Variants in STK32A observed in about 807,000 individuals in gnomAD.
The protein encoded by STK32A is serine/threonine-protein kinase 32A.
Under a neutral mutation model 53.2 loss-of-function variants are expected in STK32A, and 41 were observed. That is an observed-to-expected ratio of 0.77 (90% CI 0.60 to 1.00). STK32A has a LOEUF of 1.00. Among genes scored for constraint, STK32A ranks in the 50% least tolerant of loss-of-function variants. The pLI is 0.00. For synonymous variants in STK32A, 166 were observed against 162.8 expected, an observed-to-expected ratio of 1.02 and a Z score of -0.15; for missense variants, 458 against 485.8, an observed-to-expected ratio of 0.94 and a Z score of 0.54.
intron 2 of STK32A, among the ~76,000 whole-genome samples, chr5:147,245,764 CAG>C (rs1311532749): frequency 6.6e-6 from 1 of 152,180 alleles, no homozygotes; most frequent in Non-Finnish European, 1.5e-5. Flanking sequence ...CCTGAGTTTG[CAG>C]AGAGTTCAAT....
At chr5:147,397,884 A>ATAGAAGGAG in the STK32A span, 1 of 1,552,956 alleles carries the variant, frequency 6.4e-7, no homozygotes, top group Non-Finnish European at 8.7e-7. Flanking sequence ...CAGTAAGGGT[A>ATAGAAGGAG]GAGAAAGAGG....
intron 2 of STK32A, among the ~76,000 whole-genome samples, chr5:147,255,333 G>A (rs1754181567): frequency 1.3e-5 from 2 of 152,116 alleles, no homozygotes; most frequent in South Asian, 4.1e-4. Context: ...TCTGGATAAG[G>A]TGGAGGTTAG....
chr5:147,334,634 T>A (rs1438244937), intron 5 of STK32A, among the ~76,000 whole-genome samples: 2 of 152,272 alleles, frequency 1.3e-5, no homozygotes, highest in East Asian at 3.9e-4. Context: ...TAGTGTGGAA[T>A]AAAGTATAAA....
chr5:147,236,711 A>C (rs1753339208), intron 1 of STK32A, among the ~76,000 whole-genome samples: 1 of 152,188 alleles, frequency 6.6e-6, no homozygotes, highest in Non-Finnish European at 1.5e-5. Context: ...TTATCTTCCC[A>C]CTAAAAATCA....
chr5:147,368,597 T>C (rs1180971617), intron 8 of STK32A, among the ~76,000 whole-genome samples: 1 of 152,178 alleles, frequency 6.6e-6, no homozygotes, highest in Admixed American at 6.5e-5. Flanking sequence ...ATGGTAGGCA[T>C]TCAATAAATA....
intron 6 of STK32A, among the ~76,000 whole-genome samples, chr5:147,346,219 T>C (rs1755678356): frequency 6.6e-6 from 1 of 152,152 alleles, no homozygotes; most frequent in African/African-American, 2.4e-5. Context: ...TGGTGTGACT[T>C]TCCATGTGGA....
At chr5:147,285,358 T>C (rs1752278691) in intron 4 of STK32A, among the ~76,000 whole-genome samples, 1 of 152,048 alleles carries the variant, frequency 6.6e-6, no homozygotes, top group African/African-American at 2.4e-5. Flanking sequence ...TTCTAGAAGA[T>C]AACATTGGAA....
At chr5:147,345,445 T>C (rs1755637218) in intron 6 of STK32A, among the ~76,000 whole-genome samples, 1 of 152,206 alleles carries the variant, frequency 6.6e-6, no homozygotes, top group South Asian at 2.1e-4. Flanking sequence ...CATCTTGTTT[T>C]ATGTTTCTTT....
At chr5:147,394,212 AAG>A in the STK32A span, 1 of 1,334,562 alleles carries the variant, frequency 7.5e-7, no homozygotes, top group Non-Finnish European at 1.1e-6. Flanking sequence ...GGTTAATTTT[AAG>A]AGTGCAAGAT....
At chr5:147,296,779 T>G (rs1043656411) in intron 4 of STK32A, among the ~76,000 whole-genome samples, 7 of 152,172 alleles carry the variant, frequency 4.6e-5, no homozygotes, top group Non-Finnish European at 1.0e-4. Flanking sequence ...TGTCTGACAT[T>G]CCTTGGTGGA....
intron 2 of STK32A, among the ~76,000 whole-genome samples, chr5:147,264,348 T>C (rs1469974112): frequency 1.3e-5 from 2 of 152,154 alleles, no homozygotes; most frequent in African/African-American, 2.4e-5. Flanking sequence ...GGATTATGTC[T>C]GAGGAGAGAC....
In STK32A at chr5:147,380,274, G is replaced by A. The variant is rs187419312; in HGVS notation, c.1033-3167G>A. The stretch of plus-strand genomic sequence containing the variant: ...CTGTAGCTGCCTGTCCCCTGTGACC[G>A]ATACTGGAAACCCTCAGGATTACAA... On this transcript the variant is annotated intron_variant, in intron 11 of 12. Transcript: ENST00000397936. Among the ~76,000 whole-genome samples, 114 of 152,172 alleles carry A rather than the reference G, an allele frequency of 7.5e-4. 1 individual carries two copies. The highest frequency in any genetic ancestry group is 1.8e-3 in the Admixed American group (28 of 15,282).
At chr5:147,348,457 G>A (rs1181811775) in intron 6 of STK32A, among the ~76,000 whole-genome samples, 1 of 152,164 alleles carries the variant, frequency 6.6e-6, no homozygotes, top group African/African-American at 2.4e-5. Flanking sequence ...AGTTGAGGGG[G>A]GACGGGGCGT....
At chr5:147,316,332 C>T (rs941482203) in intron 4 of STK32A, among the ~76,000 whole-genome samples, 11 of 152,126 alleles carry the variant, frequency 7.2e-5, no homozygotes, top group African/African-American at 2.7e-4. Flanking sequence ...TATAACTATA[C>T]ATCTATAGCA....
intron 4 of STK32A, among the ~76,000 whole-genome samples, chr5:147,297,691 C>T (rs190876791): frequency 3.5e-4 from 54 of 152,176 alleles, no homozygotes; most frequent in African/African-American, 1.2e-3. Context: ...TTGTCTGGGC[C>T]GGGCATGGTG....
intron 4 of STK32A, among the ~76,000 whole-genome samples, chr5:147,314,396 G>C (rs1353667735): frequency 6.6e-6 from 1 of 151,546 alleles, no homozygotes; most frequent in East Asian, 1.9e-4. Context: ...TACTTGGGAG[G>C]CTGAGGCAGG....
At chr5:147,372,562 G>A (rs915146689) in intron 9 of STK32A, among the ~76,000 whole-genome samples, 17 of 152,042 alleles carry the variant, frequency 1.1e-4, no homozygotes, top group Non-Finnish European at 1.9e-4. Context: ...AAGTGGGACT[G>A]ACAATGCCTA....
chr5:147,321,397 A>C (rs950484612), intron 4 of STK32A, among the ~76,000 whole-genome samples: 7 of 152,214 alleles, frequency 4.6e-5, no homozygotes, highest in Non-Finnish European at 7.3e-5. Context: ...CCCTCTGAGA[A>C]TTAAAAATCT....
chr5:147,259,108 T>C (rs1754374227), intron 2 of STK32A, among the ~76,000 whole-genome samples: 1 of 152,142 alleles, frequency 6.6e-6, no homozygotes, highest in Admixed American at 6.6e-5. Context: ...CCTGAAGGGA[T>C]TTAGATCCCC....
Sources: allele counts gnomAD v4.1 joint callset (sites outside exome capture counted in the v4.1 genomes callset), GRCh38; gene constraint gnomAD v4.1.1; transcripts MANE v1.5; gene names NCBI Gene and HGNC (gene_info 2026-07-23, HGNC 2026-07-21).